The following IQSEC1 variants were observed in gnomAD, a reference collection of about 807,000 sequenced individuals.
IQSEC1 encodes IQ motif and Sec7 domain ArfGEF 1.
IQSEC1 carries 31 observed loss-of-function variants against 91.0 expected under a neutral mutation model. The observed-to-expected ratio is 0.34, with a 90% CI of 0.26 to 0.46. IQSEC1 has a LOEUF of 0.46. Ranked by LOEUF, IQSEC1 falls within the 20% of genes least tolerant of loss-of-function variation. The probability of loss-of-function intolerance (pLI) is 1.00; values close to 1 mark genes in which losing one functional copy is unlikely to be tolerated. For missense variants in IQSEC1, 1,388 were observed against 1,575.6 expected (o/e 0.88, Z 2.02); for synonymous variants, 699 against 662.6 (o/e 1.05, Z -0.84).
At chr3:13,132,053 TTTCTGAAAACTG>T (rs1445324899) in intron 2 of IQSEC1, among the ~76,000 whole-genome samples, 1 of 152,248 alleles carries the variant, frequency 6.6e-6, no homozygotes, top group Non-Finnish European at 1.5e-5. Flanking sequence ...CTTCTTTTCA[TTTCTGAAAACTG>T]TTCACTGGAT....
chr3:13,067,088 G>A (rs1705261361), intron 1 of IQSEC1, among the ~76,000 whole-genome samples: 1 of 152,204 alleles, frequency 6.6e-6, no homozygotes, highest in South Asian at 2.1e-4. Flanking sequence ...AGTGAGGCAG[G>A]GACAGAGCTG....
At chr3:13,113,616 G>A (rs1427379439) in intron 2 of IQSEC1, among the ~76,000 whole-genome samples, 1 of 152,212 alleles carries the variant, frequency 6.6e-6, no homozygotes, top group African/African-American at 2.4e-5. Flanking sequence ...CCCTCTGGGA[G>A]GGGAGGAGAA....
chr3:13,068,866 GCTCT>G (rs1175760637), intron 1 of IQSEC1, among the ~76,000 whole-genome samples: 2 of 152,166 alleles, frequency 1.3e-5, no homozygotes, highest in African/African-American at 4.8e-5. Flanking sequence ...TTCCCATTGG[GCTCT>G]CTATCTTCTT....
intron 2 of IQSEC1, among the ~76,000 whole-genome samples, chr3:13,093,921 G>C (rs1705912170): frequency 1.3e-5 from 2 of 152,202 alleles, no homozygotes. Flanking sequence ...GATTGGCTTA[G>C]AGATGGGCTT....
In IQSEC1 at chr3:12,911,630, C is replaced by G. The variant is rs1695567496; in HGVS notation, c.2415G>C (p.Gln805His). The change falls in exon 10 of 14, where the codon CAG (glutamine) becomes CAC (histidine). Residue 805 changes from glutamine to histidine, a missense_variant and splice_region_variant. Transcript: ENST00000613206. ...GGCAGGCCCTGGGGGCAGACTTACA[C>G]TGGTTCTCGAAGAGCAGGACCTGCA... ...YGMQVLLFENQYYPNGIRLTS... is the reference protein window; with the variant it reads ...YGMQVLLFENHYYPNGIRLTS... 6.2e-7 allele frequency: 1 copy of G among 1,611,078 alleles called. No individual in the cohort carries two copies. The highest frequency in any genetic ancestry group is 8.5e-7 in the Non-Finnish European group (1 of 1,177,484).
rs117640735 is a variant in IQSEC1, at chr3:12,957,943, C to G, written c.24-16078G>C. On this transcript the variant is annotated intron_variant, in intron 1 of 13. Transcript: ENST00000613206. ...TGTTGTAAACAGCAACCTTTTGAAG[C>G]AGGTACTATATCATCTTCCCATTTT... Among the ~76,000 whole-genome samples, 4 of 152,312 alleles carry G rather than the reference C, an allele frequency of 2.6e-5. No homozygotes were observed. In the East Asian group the frequency reaches 7.7e-4, roughly 29 times the overall value.
intron 2 of IQSEC1, among the ~76,000 whole-genome samples, chr3:13,161,426 A>G (rs1207842878): frequency 1.3e-5 from 2 of 152,188 alleles, no homozygotes; most frequent in Admixed American, 6.5e-5. Context: ...CAGACCCCGC[A>G]CGGACACTGC....
In IQSEC1 at chr3:12,900,130, T is replaced by TA; in HGVS notation, c.*852dup. 5 of 969,464 alleles carry TA rather than the reference T, an allele frequency of 5.2e-6. No homozygotes were observed. Among genetic ancestry groups the TA allele is most frequent in the Non-Finnish European group, 6.1e-6 (5 of 815,470 alleles). The allele number at this position is 969,464 out of a possible 1,614,324, so 60.1% of individuals were successfully genotyped here. Reference sequence around the variant, plus strand: ...TTGCTTACCTGAAATAACAGCATTATAATACTATTTATGATAGTATTCTGT... The same window carrying TA: ...TTGCTTACCTGAAATAACAGCATTATAAATACTATTTATGATAGTATTCTGT... On this transcript the variant is annotated 3_prime_UTR_variant, in exon 14 of 14. Transcript: ENST00000613206.
chr3:13,274,192 G>C (rs189949833), intron 1 of IQSEC1, among the ~76,000 whole-genome samples: 1 of 152,134 alleles, frequency 6.6e-6, no homozygotes, highest in South Asian at 2.1e-4. Flanking sequence ...CCACAAACAT[G>C]CCTGCCCCCG....
chr3:13,076,596 G>A (rs763431730), upstream of IQSEC1, among the ~76,000 whole-genome samples: 38 of 152,084 alleles, frequency 2.5e-4, no homozygotes, highest in Admixed American at 1.0e-3. Flanking sequence ...AGGGAGCCCC[G>A]AATCCCAGGG....
At chr3:13,253,559 C>T (rs1450952850) in intron 1 of IQSEC1, among the ~76,000 whole-genome samples, 1 of 152,240 alleles carries the variant, frequency 6.6e-6, no homozygotes, top group African/African-American at 2.4e-5. Context: ...CTACACTCAA[C>T]TCCATTTTCC....
chr3:13,127,199 G>T (rs1277001150), intron 2 of IQSEC1, among the ~76,000 whole-genome samples: 2 of 152,052 alleles, frequency 1.3e-5, no homozygotes, highest in Admixed American at 1.3e-4. Context: ...GATCACCTGA[G>T]GTCTGGAGTT....
Position 13,061,599 on chromosome 3 carries a change from C to T in IQSEC1, c.23+11393G>A, listed in dbSNP as rs570602881. On this transcript the variant is annotated intron_variant, in intron 1 of 13. Transcript: ENST00000613206. ...AACATACCGAGCCCATGACTCCAGG[C>T]CCTGTGCTGATGCCAGGGGCCAGCC... Among the ~76,000 whole-genome samples, 3 of 152,270 alleles carry T rather than the reference C, an allele frequency of 2.0e-5. No individual in the cohort carries two copies. The East Asian group carries it at 5.8e-4, about 30-fold the overall frequency.
chr3:13,232,642 G>A (rs1333024255), intron 1 of IQSEC1, among the ~76,000 whole-genome samples: 1 of 152,146 alleles, frequency 6.6e-6, no homozygotes, highest in South Asian at 2.1e-4. Flanking sequence ...AGTCAGGGGC[G>A]CAGGAGACAG....
At position 12,936,519 on chromosome 3, in the gene IQSEC1, G is replaced by A; in HGVS notation, c.497C>T (p.Ser166Phe). Residue 166 changes from serine (S) to phenylalanine (F), a missense_variant, in exon 3 of 14, where the codon TCC becomes TTC. By Grantham distance (155) the Ser-to-Phe change is radical (BLOSUM62 -2). Coordinates refer to ENST00000613206, the MANE Select transcript of IQSEC1 (RefSeq NM_001134382.3). ...GTGCACTTTCTCAGGCCCCTCAAAG[G>A]AGAACTGCATCCTCATGTTGGACAG... is the stretch of plus-strand genomic sequence containing the variant. ...IVLSNMRMQF[S>F]FEGPEKVHSS... 1 of 1,613,476 alleles carries A rather than the reference G, an allele frequency of 6.2e-7. No individual in the cohort carries two copies. Among genetic ancestry groups the A allele is most frequent in the Non-Finnish European group, 8.5e-7 (1 of 1,180,022 alleles).
At chr3:13,038,934 C>T (rs931837661) in intron 1 of IQSEC1, among the ~76,000 whole-genome samples, 2 of 152,282 alleles carry the variant, frequency 1.3e-5, no homozygotes, top group African/African-American at 4.8e-5. Flanking sequence ...GAAATCTACA[C>T]ACCAAACAAG....
chr3:13,021,295 G>A (rs987550887), intron 1 of IQSEC1, among the ~76,000 whole-genome samples: 22 of 152,288 alleles, frequency 1.4e-4, no homozygotes, highest in African/African-American at 5.3e-4. Context: ...CCCTCCCCAG[G>A]GGGCCAAGGA....
At chr3:13,099,931 A>G (rs1327908349) in intron 2 of IQSEC1, among the ~76,000 whole-genome samples, 1 of 149,940 alleles carries the variant, frequency 6.7e-6, no homozygotes, top group African/African-American at 2.5e-5. Flanking sequence ...GGGTGGCTGG[A>G]ACAGAGGGAG....
chr3:13,153,584 C>T lies in IQSEC1; in HGVS notation c.302+10520G>A, dbSNP rs148452916. ...GTGTTCCTGCCACTCTGGCTTTCTT[C>T]GACCTAAGATGCCTCCTGGCCAATT... is the stretch of plus-strand genomic sequence containing the variant. On this transcript the variant is annotated intron_variant, in intron 2 of 15. Transcript: ENST00000648114. 1.2e-3 allele frequency among the ~76,000 whole-genome samples: 180 copies of T among 152,288 alleles called. 3 individuals are homozygous for T. The East Asian group carries it at 0.021, about 18-fold the overall frequency.
Sources: allele counts gnomAD v4.1 joint callset (sites outside exome capture counted in the v4.1 genomes callset), GRCh38; gene constraint gnomAD v4.1.1; transcripts MANE v1.5; gene names NCBI Gene and HGNC (gene_info 2026-07-23, HGNC 2026-07-21).